The following NR3C2 variants were observed in gnomAD, a reference collection of about 807,000 sequenced individuals.
The protein encoded by NR3C2 is mineralocorticoid receptor.
A neutral mutation model predicts 86.4 loss-of-function variants in NR3C2; 15 were observed. The ratio of observed to expected loss-of-function variants is 0.17; its 90% CI spans 0.12 to 0.27. The LOEUF is 0.27. Among genes scored for constraint, NR3C2 ranks in the 10% least tolerant of loss-of-function variants. The probability of loss-of-function intolerance (pLI) is 1.00; values close to 1 mark genes in which losing one functional copy is unlikely to be tolerated. For missense variants in NR3C2, 960 were observed against 1,195.6 expected (o/e 0.80, Z 2.91); for synonymous variants, 458 against 450.5 (o/e 1.02, Z -0.21).
intron 2 of NR3C2, among the ~76,000 whole-genome samples, chr4:148,323,689 C>G (rs1428435709): frequency 1.3e-5 from 2 of 152,124 alleles, no homozygotes; most frequent in African/African-American, 2.4e-5. Context: ...AGGGAACTCC[C>G]TGACCCCTTG....
At chr4:148,239,259 T>C (rs1738897130) in intron 3 of NR3C2, among the ~76,000 whole-genome samples, 1 of 152,224 alleles carries the variant, frequency 6.6e-6, no homozygotes, top group African/African-American at 2.4e-5. Context: ...AAGTGATGTA[T>C]CAGCAACATT....
At chr4:148,444,913 G>A, upstream of NR3C2, 2 of 984,980 alleles carry the variant, frequency 2.0e-6, no homozygotes, top group African/African-American at 3.5e-5. Context: ...GCCACTCTCC[G>A]CGCCCCCTCC....
intron 4 of NR3C2, among the ~76,000 whole-genome samples, chr4:148,183,634 G>A (rs1735746058): frequency 6.6e-6 from 1 of 152,132 alleles, no homozygotes; most frequent in African/African-American, 2.4e-5. Flanking sequence ...CACATGAAGA[G>A]TATGTATCTC....
intron 2 of NR3C2, among the ~76,000 whole-genome samples, chr4:148,300,175 C>A (rs1055472031): frequency 6.6e-6 from 1 of 152,236 alleles, no homozygotes; most frequent in African/African-American, 2.4e-5. Flanking sequence ...GACCTGTAAC[C>A]ACATGGCAAT....
intron 2 of NR3C2, among the ~76,000 whole-genome samples, chr4:148,428,056 C>G (rs1749635735): frequency 6.6e-6 from 1 of 152,180 alleles, no homozygotes; most frequent in Non-Finnish European, 1.5e-5. Context: ...AAAAGAGTAA[C>G]TTTATCATGG....
At chr4:148,209,568 G>T (rs1358129489) in intron 3 of NR3C2, among the ~76,000 whole-genome samples, 1 of 152,176 alleles carries the variant, frequency 6.6e-6, no homozygotes, top group African/African-American at 2.4e-5. Flanking sequence ...GAAGTGTTGG[G>T]ATTACAGGCA....
At chr4:148,359,617 C>G (rs1485027522) in intron 2 of NR3C2, among the ~76,000 whole-genome samples, 1 of 152,080 alleles carries the variant, frequency 6.6e-6, no homozygotes, top group Non-Finnish European at 1.5e-5. Flanking sequence ...GAGTTTTGTT[C>G]TTTTAAAAAA....
At chr4:148,404,730 A>G in intron 2 of NR3C2, among the ~76,000 whole-genome samples, 1 of 152,194 alleles carries the variant, frequency 6.6e-6, no homozygotes. Flanking sequence ...AAACAATAAA[A>G]AAGGAGGAAA....
At chr4:148,104,510 T>G (rs767938278) in intron 8 of NR3C2, among the ~76,000 whole-genome samples, 2 of 152,202 alleles carry the variant, frequency 1.3e-5, no homozygotes, top group Non-Finnish European at 2.9e-5. Context: ...ATAACACCGC[T>G]AACAATTATA....
intron 2 of NR3C2, among the ~76,000 whole-genome samples, chr4:148,327,131 G>C (rs1158967765): frequency 6.6e-6 from 1 of 152,102 alleles, no homozygotes; most frequent in Non-Finnish European, 1.5e-5. Context: ...AGATGTGAGA[G>C]GGGTTAGGGT....
intron 8 of NR3C2, among the ~76,000 whole-genome samples, chr4:148,111,625 C>T (rs1687967501): frequency 6.6e-6 from 1 of 152,236 alleles, no homozygotes; most frequent in South Asian, 2.1e-4. Context: ...AAAATCCATA[C>T]AATGGGAAAC....
intron 2 of NR3C2, among the ~76,000 whole-genome samples, chr4:148,315,473 G>A (rs1329444283): frequency 6.6e-6 from 1 of 152,082 alleles, no homozygotes; most frequent in Non-Finnish European, 1.5e-5. Context: ...TCTTCACAAC[G>A]ATGCTCTCAG....
intron 2 of NR3C2, among the ~76,000 whole-genome samples, chr4:148,398,539 A>G (rs2126521343): frequency 6.6e-6 from 1 of 152,330 alleles, no homozygotes; most frequent in East Asian, 1.9e-4. Flanking sequence ...CACATTTTAT[A>G]ATCTCAGATA....
At chr4:148,266,184 T>G (rs1031839709) in intron 2 of NR3C2, among the ~76,000 whole-genome samples, 1 of 150,798 alleles carries the variant, frequency 6.6e-6, no homozygotes, top group Non-Finnish European at 1.5e-5. Context: ...GCGATTCTCC[T>G]GCCTCAGCCT....
In NR3C2 at chr4:148,136,087, A is replaced by AAAAAC. The variant is rs1560940053; in HGVS notation, c.2511-15800_2511-15799insGTTTT. Among the ~76,000 whole-genome samples the AAAAAC allele has an allele frequency of 2.7e-4, 21 of 79,238 alleles. 1 individual carries two copies. The highest frequency in any genetic ancestry group is 8.7e-4 in the African/African-American group (20 of 22,880). 52.0% of individuals were successfully genotyped at this position (79,238 alleles called of 152,430 possible). On this transcript the variant is annotated intron_variant, in intron 6 of 8. Coordinates refer to ENST00000358102, the MANE Select transcript of NR3C2 (RefSeq NM_000901.5). Reference sequence around the variant, plus strand: ...AAAAAAAAAAAAAAACAAAAAAAAAAAACACCACCAAAACCAACAAAAAAA... The same window carrying AAAAAC: ...AAAAAAAAAAAAAAACAAAAAAAAAAAAAACAACACCACCAAAACCAACAAAAAAA...
At chr4:148,263,588 G>A (rs1403830851) in intron 2 of NR3C2, among the ~76,000 whole-genome samples, 2 of 152,064 alleles carry the variant, frequency 1.3e-5, no homozygotes, top group Admixed American at 6.6e-5. Context: ...CATCCCTTCC[G>A]AATGCCACCA....
intron 2 of NR3C2, among the ~76,000 whole-genome samples, chr4:148,412,614 T>G (rs1384913999): frequency 2.0e-5 from 3 of 152,186 alleles, no homozygotes; most frequent in African/African-American, 7.2e-5. Flanking sequence ...AAAATTAGCT[T>G]CATCTAAGAG....
At chr4:148,170,601 G>T (rs1019652730) in intron 4 of NR3C2, among the ~76,000 whole-genome samples, 1 of 152,068 alleles carries the variant, frequency 6.6e-6, no homozygotes, top group African/African-American at 2.4e-5. Context: ...CAAACAGCTC[G>T]ACCTGGACTG....
intron 8 of NR3C2, among the ~76,000 whole-genome samples, chr4:148,095,936 A>G (rs1731258439): frequency 1.3e-5 from 2 of 152,250 alleles, no homozygotes; most frequent in Non-Finnish European, 2.9e-5. Flanking sequence ...CCCCATTTTT[A>G]TAACAAATTT....
Sources: gnomAD v4.1 joint callset for allele counts (sites outside exome capture counted in the v4.1 genomes callset) on GRCh38, gnomAD v4.1.1 for gene constraint, MANE v1.5 for transcripts, NCBI Gene and HGNC (gene_info 2026-07-23, HGNC 2026-07-21) for gene names.